The following WWOX variants were observed in gnomAD, a reference collection of about 807,000 sequenced individuals.
WWOX encodes the protein WW domain containing oxidoreductase, also known as WW domain-containing oxidoreductase.
Under a neutral mutation model 46.2 loss-of-function variants are expected in WWOX, and 69 were observed. The observed-to-expected ratio is 1.49, with a 90% CI of 1.23 to 1.82. The LOEUF is 1.82. WWOX is among the 40% of genes most tolerant of loss of function. The pLI is 0.00. For synonymous variants in WWOX, 359 were observed against 202.6 expected (o/e 1.77, Z -6.56); for missense variants, 919 against 542.6 (o/e 1.69, Z -6.89).
intron 8 of WWOX, among the ~76,000 whole-genome samples, chr16:78,655,819 A>G (rs2047067684): frequency 6.6e-6 from 1 of 152,182 alleles, no homozygotes; most frequent in African/African-American, 2.4e-5. Flanking sequence ...TTTAGAAGTT[A>G]GTCTATATTT....
intron 5 of WWOX, among the ~76,000 whole-genome samples, chr16:78,164,989 G>A (rs1384438973): frequency 6.6e-6 from 1 of 152,230 alleles, no homozygotes; most frequent in African/African-American, 2.4e-5. Context: ...GATGTCAAGA[G>A]AAGTATTCTC....
At chr16:78,356,385 T>G (rs2081291314) in intron 5 of WWOX, among the ~76,000 whole-genome samples, 2 of 152,108 alleles carry the variant, frequency 1.3e-5, no homozygotes, top group African/African-American at 4.8e-5. Flanking sequence ...ATTCAAAGCC[T>G]TCTTCTAAAA....
At chr16:78,851,668 C>A (rs1271113571) in intron 8 of WWOX, among the ~76,000 whole-genome samples, 1 of 152,154 alleles carries the variant, frequency 6.6e-6, no homozygotes, top group Admixed American at 6.5e-5. Context: ...TTGGCTGAGG[C>A]AATACGTTTC....
At chr16:78,128,201 T>C (rs1597239573) in intron 4 of WWOX, among the ~76,000 whole-genome samples, 1 of 152,176 alleles carries the variant, frequency 6.6e-6, no homozygotes, top group East Asian at 1.9e-4. Flanking sequence ...TTTTTTTTGT[T>C]GTTGTTAGGA....
intron 8 of WWOX, among the ~76,000 whole-genome samples, chr16:78,713,517 G>T (rs576419875): frequency 6.6e-5 from 10 of 152,058 alleles, no homozygotes; most frequent in Non-Finnish European, 1.3e-4. Flanking sequence ...GCCTTTTAAA[G>T]GATGGTTAAG....
At chr16:79,156,088 A>G (rs9932990) in intron 8 of WWOX, among the ~76,000 whole-genome samples, 2,144 of 152,302 alleles carry the variant, frequency 0.014, 50 homozygotes, top group African/African-American at 0.048. Flanking sequence ...TGGAATTTGC[A>G]CAGTCTCACT....
chr16:78,964,106 G>A lies in WWOX; in HGVS notation c.1057-247502G>A, dbSNP rs555529672. ...CAGGTTATGTCTTTATCAGCAGTGT[G>A]AAAATGGACTAATACAGTGAATTGG... is the stretch of plus-strand genomic sequence containing the variant. On this transcript the variant is annotated intron_variant, in intron 8 of 8. Transcript: ENST00000566780. Among the ~76,000 whole-genome samples, 13 of 152,286 alleles carry A rather than the reference G, an allele frequency of 8.5e-5. No homozygotes were observed. In the South Asian group the frequency reaches 2.1e-3, roughly 24 times the overall value.
chr16:78,814,869 G>A (rs907843796), intron 8 of WWOX, among the ~76,000 whole-genome samples: 4 of 152,138 alleles, frequency 2.6e-5, no homozygotes, highest in Non-Finnish European at 5.9e-5. Flanking sequence ...TCTCGCGTGC[G>A]GTCTGTGCAC....
chr16:78,257,156 G>T (rs140153631), intron 5 of WWOX, among the ~76,000 whole-genome samples: 1 of 152,044 alleles, frequency 6.6e-6, no homozygotes, highest in East Asian at 1.9e-4. Flanking sequence ...GGATTTTTGT[G>T]ATTCTTCTAG....
chr16:78,857,152 T>A (rs2052585760), intron 8 of WWOX, among the ~76,000 whole-genome samples: 1 of 152,228 alleles, frequency 6.6e-6, no homozygotes, highest in South Asian at 2.1e-4. Context: ...TTATCTCACA[T>A]ATGCAAAGAG....
chr16:78,282,228 C>T (rs1597441738), intron 5 of WWOX, among the ~76,000 whole-genome samples: 2 of 152,268 alleles, frequency 1.3e-5, no homozygotes, highest in Admixed American at 1.3e-4. Context: ...AAAGGAGGCA[C>T]CTGGGGAAAC....
intron 8 of WWOX, among the ~76,000 whole-genome samples, chr16:78,619,897 G>A (rs1341472527): frequency 6.6e-6 from 1 of 151,974 alleles, no homozygotes; most frequent in Non-Finnish European, 1.5e-5. Flanking sequence ...GTGAGAACCT[G>A]TCTCCAAAAT....
intron 8 of WWOX, among the ~76,000 whole-genome samples, chr16:78,781,120 C>T (rs921689977): frequency 3.3e-5 from 5 of 152,158 alleles, no homozygotes; most frequent in African/African-American, 1.2e-4. Context: ...GCTGTTGTTT[C>T]TGACAGGTAA....
At chr16:79,042,818 C>G (rs1043872957) in intron 8 of WWOX, among the ~76,000 whole-genome samples, 1 of 150,388 alleles carries the variant, frequency 6.6e-6, no homozygotes, top group Non-Finnish European at 1.5e-5. Context: ...CATGCAAGTA[C>G]CAAAACAAAA....
intron 8 of WWOX, among the ~76,000 whole-genome samples, chr16:78,666,073 C>T (rs569815517): frequency 6.6e-6 from 1 of 151,942 alleles, no homozygotes; most frequent in African/African-American, 2.4e-5. Flanking sequence ...TTGCTTGAAG[C>T]CAGGAGTTTG....
intron 8 of WWOX, among the ~76,000 whole-genome samples, chr16:78,602,589 C>G (rs776403170): frequency 1.3e-5 from 2 of 152,164 alleles, no homozygotes; most frequent in African/African-American, 4.8e-5. Flanking sequence ...GTAGCATCAT[C>G]CCTTTCCATG....
intron 1 of WWOX, among the ~76,000 whole-genome samples, chr16:78,102,086 AATT>A (rs1567569259): frequency 6.6e-6 from 1 of 151,964 alleles, no homozygotes; most frequent in Non-Finnish European, 1.5e-5. Flanking sequence ...ACACCCAGCT[AATT>A]ATTACATGTT....
chr16:78,676,531 C>T (rs1248830976), intron 8 of WWOX, among the ~76,000 whole-genome samples: 1 of 151,958 alleles, frequency 6.6e-6, no homozygotes, highest in South Asian at 2.1e-4. Context: ...TGTTCCAACT[C>T]AAAGTCTACA....
intron 6 of WWOX, among the ~76,000 whole-genome samples, chr16:78,406,356 T>TATA (rs2082543739): frequency 1.0e-5 from 1 of 96,252 alleles, no homozygotes; most frequent in East Asian, 3.0e-4. Context: ...ATATATATAT[T>TATA]TTATTATTTT....
Sources: gnomAD v4.1 joint callset for allele counts (sites outside exome capture counted in the v4.1 genomes callset) on GRCh38, gnomAD v4.1.1 for gene constraint, MANE v1.5 for transcripts, NCBI Gene and HGNC (gene_info 2026-07-23, HGNC 2026-07-21) for gene names.